COL24A1: variants seen among roughly 807,000 people sequenced by gnomAD.
COL24A1 encodes the protein collagen type XXIV alpha 1 chain.
COL24A1 carries 224 observed loss-of-function variants against 253.9 expected under a neutral mutation model. That is an observed-to-expected ratio of 0.88 (90% CI 0.79 to 0.99). COL24A1 has a LOEUF of 0.99. Among genes scored for constraint, COL24A1 ranks in the 50% least tolerant of loss-of-function variants. The pLI, the probability that COL24A1 is intolerant of heterozygous loss-of-function variation, is 0.00. For synonymous variants in COL24A1, 685 were observed against 673.7 expected (o/e 1.02, Z -0.26); for missense variants, 2,131 against 2,068.5 (o/e 1.03, Z -0.59).
chr1:85,825,144 G>C (rs766290488), intron 43 of COL24A1, among the ~76,000 whole-genome samples: 2 of 140,250 alleles, frequency 1.4e-5, no homozygotes, highest in African/African-American at 5.4e-5. Flanking sequence ...TCATTGTTCA[G>C]TTCCCACCTA....
At position 85,847,749 on chromosome 1, in the gene COL24A1, G is replaced by T. The variant is rs1677294808; in HGVS notation, c.3378C>A (p.Pro1126=). Residue 1126 remains proline, a synonymous_variant, in exon 39 of 60, where the codon CCC becomes CCA. Coordinates refer to ENST00000370571, the MANE Select transcript of COL24A1 (RefSeq NM_152890.7). ...GACCTCTGCTTCCAACTTCTCCTGT[G>T]GGTCCTATTTGTCCTTTATCACCCT... ...GKKGDKGQIG[P]TGEVGSRGPP... 6.2e-7 allele frequency: 1 copy of T among 1,613,590 alleles called. No homozygotes were observed. Among genetic ancestry groups the T allele is most frequent in the Non-Finnish European group, 8.5e-7 (1 of 1,179,746 alleles).
intron 53 of COL24A1, among the ~76,000 whole-genome samples, chr1:85,772,216 T>C (rs1668055074): frequency 1.3e-5 from 2 of 151,986 alleles, no homozygotes; most frequent in African/African-American, 2.4e-5. Flanking sequence ...ACATTCATCA[T>C]CACTGGCCAT....
intron 37 of COL24A1, among the ~76,000 whole-genome samples, chr1:85,864,047 C>T (rs115794211): frequency 7.9e-5 from 12 of 152,192 alleles, no homozygotes; most frequent in East Asian, 1.9e-4. Context: ...AATCCCATTA[C>T]GGGTATATAC....
intron 5 of COL24A1, among the ~76,000 whole-genome samples, chr1:86,097,390 TTTC>T (rs1320403264): frequency 1.1e-4 from 16 of 151,932 alleles, no homozygotes; most frequent in African/African-American, 2.9e-4. Context: ...TTCTCTTTTC[TTTC>T]TTCGTCTTTC....
intron 22 of COL24A1, among the ~76,000 whole-genome samples, chr1:85,966,908 G>A (rs1558831313): frequency 6.6e-6 from 1 of 152,016 alleles, no homozygotes; most frequent in Non-Finnish European, 1.5e-5. Context: ...CACCTGGGAG[G>A]GAAACTGACA....
chr1:85,863,520 G>A (rs768420499), intron 37 of COL24A1, among the ~76,000 whole-genome samples: 34 of 152,114 alleles, frequency 2.2e-4, no homozygotes, highest in Non-Finnish European at 4.3e-4. Flanking sequence ...AACACAAAAA[G>A]CAATAGCAAC....
At chr1:86,099,739 A>C (rs565607152) in intron 5 of COL24A1, among the ~76,000 whole-genome samples, 32 of 152,188 alleles carry the variant, frequency 2.1e-4, no homozygotes, top group Non-Finnish European at 3.7e-4. Flanking sequence ...CATCATCACA[A>C]ATGGCATGGA....
chr1:85,979,929 A>C (rs948497784), intron 20 of COL24A1, among the ~76,000 whole-genome samples: 1 of 152,206 alleles, frequency 6.6e-6, no homozygotes. Flanking sequence ...TAGATGCAAA[A>C]ATCCTCAACA....
intron 2 of COL24A1, among the ~76,000 whole-genome samples, chr1:86,141,180 G>A (rs1012279938): frequency 6.6e-6 from 1 of 152,160 alleles, no homozygotes; most frequent in Admixed American, 6.5e-5. Flanking sequence ...GAACCTAAGG[G>A]CTTCAGAGGC....
chr1:85,937,674 C>CT (rs1216183181), intron 24 of COL24A1, among the ~76,000 whole-genome samples: 1 of 147,246 alleles, frequency 6.8e-6, no homozygotes, highest in Non-Finnish European at 1.5e-5. Flanking sequence ...TTCAACAAGG[C>CT]TAATATAAAT....
rs753224013 is a variant in COL24A1, at chr1:85,744,718, G to A, written c.4620C>T (p.Asn1540=). 10 of 1,609,134 alleles carry A rather than the reference G, an allele frequency of 6.2e-6. No individual in the cohort carries two copies. The South Asian group carries it at 1.1e-4, about 18-fold the overall frequency. ...GTAAATCTTTGCAGATTCGTGCTGG[G>A]TTATCTCGTGTGCCAAGAGGATTCT... is the stretch of plus-strand genomic sequence containing the variant. ...SIKNPLGTRD[N]PARICKDLLN... The change falls in exon 57 of 60, where the codon AAC becomes AAT. Residue 1540 remains asparagine (N), a synonymous_variant. Transcript: ENST00000370571.
chr1:85,896,844 A>G (rs1392441249), intron 28 of COL24A1, among the ~76,000 whole-genome samples: 2 of 152,244 alleles, frequency 1.3e-5, no homozygotes, highest in Non-Finnish European at 2.9e-5. Context: ...AAAATAATAC[A>G]GCTGGGTATA....
intron 43 of COL24A1, among the ~76,000 whole-genome samples, chr1:85,831,930 A>G (rs188092624): frequency 1.3e-5 from 2 of 152,184 alleles, no homozygotes; most frequent in African/African-American, 4.8e-5. Flanking sequence ...CTTTAGTTTA[A>G]TTAGATCCCA....
At chr1:85,864,239 T>C (rs959567155) in intron 37 of COL24A1, among the ~76,000 whole-genome samples, 1 of 152,220 alleles carries the variant, frequency 6.6e-6, no homozygotes, top group Non-Finnish European at 1.5e-5. Context: ...GATGAGTTCA[T>C]GTCCTTTGTT....
intron 45 of COL24A1, 129 bp downstream of exon 45, chr1:85,823,407 C>G: frequency 1.2e-6 from 1 of 812,710 alleles, no homozygotes; most frequent in Non-Finnish European, 2.0e-6. Context: ...TACTTAGAGG[C>G]CCATAGTGAT....
intron 9 of COL24A1, among the ~76,000 whole-genome samples, chr1:86,058,759 A>G (rs1297267641): frequency 6.6e-6 from 1 of 152,098 alleles, no homozygotes; most frequent in Non-Finnish European, 1.5e-5. Context: ...CTGTGTTATT[A>G]AAAAATGATG....
chr1:86,099,300 G>C (rs12135627), intron 5 of COL24A1, among the ~76,000 whole-genome samples: 1 of 151,990 alleles, frequency 6.6e-6, no homozygotes, highest in African/African-American at 2.4e-5. Context: ...GAGAAGAAAG[G>C]TTTATAATCA....
At chr1:85,989,392 C>T (rs1431181979) in intron 19 of COL24A1, among the ~76,000 whole-genome samples, 1 of 152,064 alleles carries the variant, frequency 6.6e-6, no homozygotes, top group Non-Finnish European at 1.5e-5. Context: ...GACCATCTTC[C>T]AATCATTTAC....
chr1:86,081,393 A>C (rs1054910918), intron 7 of COL24A1, among the ~76,000 whole-genome samples: 9 of 152,232 alleles, frequency 5.9e-5, no homozygotes, highest in African/African-American at 2.2e-4. Flanking sequence ...TTATGTCTAA[A>C]AGTTCACCTG....
Sources: gnomAD v4.1 joint callset for allele counts (sites outside exome capture counted in the v4.1 genomes callset) on GRCh38, gnomAD v4.1.1 for gene constraint, MANE v1.5 for transcripts, NCBI Gene and HGNC (gene_info 2026-07-23, HGNC 2026-07-21) for gene names.